MME: variants seen among roughly 807,000 people sequenced by gnomAD.
The protein encoded by MME is neprilysin.
Under a neutral mutation model 113.2 loss-of-function variants are expected in MME, and 98 were observed. That is an observed-to-expected ratio of 0.87 (90% confidence interval 0.74 to 1.02). MME has a LOEUF of 1.02. Among genes scored for constraint, MME ranks in the 50% least tolerant of loss-of-function variants. The probability of loss-of-function intolerance (pLI) is 0.00; values close to 1 mark genes in which losing one functional copy is unlikely to be tolerated. For synonymous variants in MME, 292 were observed against 300.6 expected (o/e 0.97, Z 0.30); for missense variants, 836 against 896.0 (o/e 0.93, Z 0.86).
intron 3 of MME, among the ~76,000 whole-genome samples, chr3:155,101,261 T>G (rs900272503): frequency 6.6e-6 from 1 of 152,246 alleles, no homozygotes; most frequent in African/African-American, 2.4e-5. Context: ...TTACTCAGTC[T>G]CAGGCATTTC....
Position 155,140,235 on chromosome 3 carries a change from T to A in MME, c.900T>A (p.Tyr300Ter). The change falls in exon 10 of 23, where the codon TAT becomes TAA. Residue 300 changes from tyrosine to a stop codon, truncating the protein, a stop_gained. Transcript: ENST00000360490. LOFTEE classifies it high-confidence loss of function. ...ATCGAAATGATCCAATGCTTCTGTATAACAAGATGACATTGGCCCAGATCC... is the reference window on the plus strand; with the variant it reads ...ATCGAAATGATCCAATGCTTCTGTAAAACAAGATGACATTGGCCCAGATCC... ...PEDRNDPMLLYNKMTLAQIQN... is the reference protein window; with the variant it reads ...PEDRNDPMLL 1 of 1,612,952 alleles carries A rather than the reference T, an allele frequency of 6.2e-7. No individual in the cohort carries two copies. The highest frequency in any genetic ancestry group is 1.3e-5 in the African/African-American group (1 of 74,994).
At position 155,150,886 on chromosome 3, in the gene MME, A is replaced by G. The variant is rs934480544; in HGVS notation, c.1601+2233A>G. Among the ~76,000 whole-genome samples, 4 of 152,214 alleles carry G rather than the reference A, an allele frequency of 2.6e-5. No homozygotes were observed. The East Asian group carries it at 7.7e-4, about 29-fold the overall frequency. ...CCTCTGACAGTAATTGCATCAAATC[A>G]TTAAGACTGAGCCCTATAGGATACA... On this transcript the variant is annotated intron_variant, in intron 16 of 22. Coordinates refer to ENST00000360490, the MANE Select transcript of MME (RefSeq NM_007289.4).
At position 155,115,240 on chromosome 3, in the gene MME, G is replaced by A. The variant is rs1718503525; in HGVS notation, c.358+85G>A. 13 of 1,490,182 alleles carry A rather than the reference G, an allele frequency of 8.7e-6. No individual in the cohort carries two copies. The South Asian group carries it at 1.5e-4, about 17-fold the overall frequency. 92.3% of individuals were successfully genotyped at this position (1,490,182 alleles called of 1,614,324 possible). A position where few individuals can be genotyped will look rare whatever the true frequency, so the allele number is the denominator to read the frequency against. On this transcript the variant is annotated intron_variant, in intron 4 of 22. Coordinates refer to ENST00000360490, the MANE Select transcript of MME (RefSeq NM_007289.4). Reference sequence around the variant, plus strand: ...ATATACAATTGTTAGCCATTACAAGGAATGTCACAGAAGATTAAAAAGTTA... The same window carrying A: ...ATATACAATTGTTAGCCATTACAAGAAATGTCACAGAAGATTAAAAAGTTA...
intron 1 of MME, among the ~76,000 whole-genome samples, chr3:155,030,425 G>A (rs1361790275): frequency 6.6e-6 from 1 of 152,132 alleles, no homozygotes; most frequent in Non-Finnish European, 1.5e-5. Flanking sequence ...TGTTGTTGTT[G>A]TTGTTAGATT....
chr3:155,036,220 C>T (rs1209786179), intron 1 of MME, among the ~76,000 whole-genome samples: 1 of 152,156 alleles, frequency 6.6e-6, no homozygotes, highest in East Asian at 1.9e-4. Flanking sequence ...GAAATCACTA[C>T]TTAATCTTTG....
At chr3:155,179,422 G>A (rs540426234) in intron 22 of MME, among the ~76,000 whole-genome samples, 3 of 152,252 alleles carry the variant, frequency 2.0e-5, no homozygotes, top group South Asian at 4.1e-4. Flanking sequence ...ACTGTGGTGT[G>A]GAGAATGGTT....
At chr3:155,086,995 GT>G (rs372206174) in intron 3 of MME, among the ~76,000 whole-genome samples, 1 of 65,496 alleles carries the variant, frequency 1.5e-5, no homozygotes, top group African/African-American at 5.8e-5. Flanking sequence ...TGTTTTTTTT[GT>G]TTTTTTTTGT....
intron 8 of MME, among the ~76,000 whole-genome samples, chr3:155,131,351 T>C (rs1031293088): frequency 6.6e-6 from 1 of 152,184 alleles, no homozygotes; most frequent in African/African-American, 2.4e-5. Flanking sequence ...GCGGAGCTTG[T>C]CTCACTGCAT....
At chr3:155,057,690 A>AT (rs11398419) in intron 1 of MME, among the ~76,000 whole-genome samples, 12,804 of 134,794 alleles carry the variant, frequency 0.095, 646 homozygotes, top group African/African-American at 0.13. Flanking sequence ...TCTGGCATTC[A>AT]TTTTTTTTTT....
chr3:155,166,786 G>C lies in MME; in HGVS notation c.1661-116G>C, dbSNP rs912722294. 3.1e-6 allele frequency: 4 copies of C among 1,300,572 alleles called. No homozygotes were observed. In the African/African-American group the frequency reaches 5.9e-5, roughly 19 times the overall value. 80.6% of individuals were successfully genotyped at this position (1,300,572 alleles called of 1,614,324 possible). On this transcript the variant is annotated intron_variant, in intron 17 of 22. Coordinates refer to ENST00000360490, the MANE Select transcript of MME (RefSeq NM_007289.4). Reference sequence around the variant, plus strand: ...GCCTGCCATCACTGAATAATGCCATGGTGGCATGCGCCTGTAGTCCCAGCT... The same window carrying C: ...GCCTGCCATCACTGAATAATGCCATCGTGGCATGCGCCTGTAGTCCCAGCT...
At chr3:155,026,833 G>A (rs1393665464) in intron 1 of MME, among the ~76,000 whole-genome samples, 1 of 152,100 alleles carries the variant, frequency 6.6e-6, no homozygotes, top group Non-Finnish European at 1.5e-5. Flanking sequence ...AAATAAAGCT[G>A]TAGAAACACA....
rs536659607 is a variant in MME, at chr3:155,063,916, TG to T, written c.-10-20237del. Among the ~76,000 whole-genome samples, 905 of 151,546 alleles carry T rather than the reference TG, an allele frequency of 6.0e-3. 5 individuals are homozygous for T. The highest frequency in any genetic ancestry group is 0.02 in the Middle Eastern group (6 of 294). The stretch of plus-strand genomic sequence containing the variant: ...TCTCAATGTGACTGTATTTGGGAGA[TG>T]GGGGCTTTACAGAGGTAATCAAGGT... On this transcript the variant is annotated intron_variant, in intron 1 of 22. Transcript: ENST00000492661.
intron 16 of MME, among the ~76,000 whole-genome samples, chr3:155,156,511 T>TATA (rs1250373831): frequency 5.3e-5 from 8 of 152,292 alleles, no homozygotes; most frequent in African/African-American, 1.9e-4. Flanking sequence ...TTAGTTTAAA[T>TATA]ATAATTTTCC....
upstream of MME, among the ~76,000 whole-genome samples, chr3:155,077,104 C>A (rs1714773384): frequency 6.6e-6 from 1 of 152,158 alleles, no homozygotes; most frequent in Admixed American, 6.5e-5. Flanking sequence ...TTTTACCCGG[C>A]CCCTATTCAA....
At chr3:155,101,712 C>G (rs1475547605) in intron 3 of MME, among the ~76,000 whole-genome samples, 1 of 152,154 alleles carries the variant, frequency 6.6e-6, no homozygotes, top group Non-Finnish European at 1.5e-5. Flanking sequence ...CTGGTTATAG[C>G]TCCCTCCTCA....
intron 3 of MME, chr3:155,112,764 A>G (rs1718288792): frequency 6.6e-6 from 1 of 152,290 alleles, no homozygotes; most frequent in African/African-American, 2.4e-5. Context: ...CTCTGTGGCA[A>G]GGGGAGAGGA....
chr3:155,167,763 TTAC>T (rs1437827566), intron 18 of MME, among the ~76,000 whole-genome samples: 1 of 152,142 alleles, frequency 6.6e-6, no homozygotes, highest in East Asian at 1.9e-4. Flanking sequence ...GCAACAGTCT[TTAC>T]AGGTAGGTTC....
At chr3:155,129,716 A>G (rs1003170103) in intron 8 of MME, among the ~76,000 whole-genome samples, 4 of 152,184 alleles carry the variant, frequency 2.6e-5, no homozygotes, top group African/African-American at 7.2e-5. Flanking sequence ...GATTATCTGA[A>G]GAGATTACTT....
chr3:155,055,860 T>C (rs567983681), intron 1 of MME, among the ~76,000 whole-genome samples: 23 of 152,230 alleles, frequency 1.5e-4, no homozygotes, highest in Non-Finnish European at 2.9e-4. Flanking sequence ...TTGTATGCTA[T>C]GACTCAACAT....
Sources: allele counts gnomAD v4.1 joint callset (sites outside exome capture counted in the v4.1 genomes callset), GRCh38; gene constraint gnomAD v4.1.1; transcripts MANE v1.5; gene names NCBI Gene and HGNC (gene_info 2026-07-23, HGNC 2026-07-21).